RUVBL1: variants seen among roughly 807,000 people sequenced by gnomAD.
The protein encoded by RUVBL1 is RuvB like AAA ATPase 1.
In RUVBL1, 4 loss-of-function variants were observed where a neutral mutation model predicts 52.4. That is an observed-to-expected ratio of 0.08 (90% CI 0.04 to 0.17). The LOEUF (loss-of-function observed/expected upper bound fraction) is 0.17. Among genes scored for constraint, RUVBL1 ranks in the 10% least tolerant of loss-of-function variants. The pLI is 1.00. For missense variants in RUVBL1, 298 were observed against 572.8 expected (o/e 0.52, Z 4.90); for synonymous variants, 217 against 214.4 (o/e 1.01, Z -0.10).
At chr3:128,135,409 T>G (rs572677335) in intron 1 of RUVBL1, among the ~76,000 whole-genome samples, 6 of 152,306 alleles carry the variant, frequency 3.9e-5, no homozygotes, top group African/African-American at 1.4e-4. Flanking sequence ...GGCATGCACC[T>G]GTAGTCCCAG....
chr3:128,125,318 C>G (rs1449936721), upstream of RUVBL1, among the ~76,000 whole-genome samples: 1 of 152,074 alleles, frequency 6.6e-6, no homozygotes, highest in Admixed American at 6.6e-5. Context: ...CCCGGCCTCT[C>G]ACACCTCCTT....
intron 1 of RUVBL1, among the ~76,000 whole-genome samples, chr3:128,136,387 T>A (rs1164091824): frequency 6.6e-6 from 1 of 152,020 alleles, no homozygotes; most frequent in African/African-American, 2.4e-5. Flanking sequence ...ATCCCAGCAC[T>A]TTAGGAAGCC....
rs146473883 is a variant in RUVBL1 at position 128,082,763 on chromosome 3, G to A, written c.1120-189C>T. 346 of 543,596 alleles carry A rather than the reference G, an allele frequency of 6.4e-4. 2 individuals are homozygous for A. The highest frequency in any genetic ancestry group is 5.6e-3 in the African/African-American group (292 of 52,436). The allele number at this position is 543,596 out of a possible 1,614,324, so 33.7% of individuals were successfully genotyped here. A position where few individuals can be genotyped will look rare whatever the true frequency, so the allele number is the denominator to read the frequency against. ...CCGGCACCCTCCAGGAGGCATGTGC[G>A]GCCCTGCAGTATGCATGAATAGCAT... On this transcript the variant is annotated intron_variant, in intron 9 of 10. Coordinates refer to ENST00000322623, the MANE Select transcript of RUVBL1 (RefSeq NM_003707.3). This position sits in a 1 kb window ranked among gnomAD's most constrained non-coding sequence, Gnocchi z 4.7.
chr3:128,151,034 C>CTATATTCTA (rs1348477765), intron 1 of RUVBL1, among the ~76,000 whole-genome samples: 1 of 84,064 alleles, frequency 1.2e-5, no homozygotes, highest in Non-Finnish European at 2.1e-5. Flanking sequence ...AATATATATT[C>CTATATTCTA]TATATTCTAT....
At chr3:128,120,488 A>G (rs1943619375) in intron 1 of RUVBL1, among the ~76,000 whole-genome samples, 1 of 152,204 alleles carries the variant, frequency 6.6e-6, no homozygotes, top group Non-Finnish European at 1.5e-5. Flanking sequence ...GGAACTTCAT[A>G]TATTTTAGAA....
upstream of RUVBL1, among the ~76,000 whole-genome samples, chr3:128,127,007 G>T (rs1257562311): frequency 1.3e-5 from 2 of 152,226 alleles, no homozygotes; most frequent in Non-Finnish European, 2.9e-5. Flanking sequence ...GCTCAGAAAT[G>T]TGAGCAGCTA....
intron 9 of RUVBL1, among the ~76,000 whole-genome samples, chr3:128,087,219 C>A (rs1559808655): frequency 6.6e-6 from 1 of 152,214 alleles, no homozygotes; most frequent in African/African-American, 2.4e-5. Context: ...GTCAGGGTGG[C>A]TACATTCTGT....
chr3:128,098,539 TG>T (rs1943036336), intron 7 of RUVBL1, among the ~76,000 whole-genome samples: 1 of 152,152 alleles, frequency 6.6e-6, no homozygotes, highest in African/African-American at 2.4e-5. Context: ...TATGTGGAGC[TG>T]GTCTGTGGAG....
chr3:128,125,779 T>C (rs899309186), upstream of RUVBL1, among the ~76,000 whole-genome samples: 5 of 152,190 alleles, frequency 3.3e-5, no homozygotes, highest in East Asian at 7.7e-4. Context: ...CCCCACAAAG[T>C]TGCTTAGCCC....
At position 128,082,187 on chromosome 3, in the gene RUVBL1, T is replaced by C; in HGVS notation, c.1211+296A>G. 1 of 359,298 alleles carries C rather than the reference T, an allele frequency of 2.8e-6. No individual in the cohort carries two copies. The highest frequency in any genetic ancestry group is 2.1e-5 in the African/African-American group (1 of 46,684). 22.3% of individuals were successfully genotyped at this position (359,298 alleles called of 1,614,324 possible). On this transcript the variant is annotated intron_variant, in intron 10 of 10. Coordinates refer to ENST00000322623, the MANE Select transcript of RUVBL1 (RefSeq NM_003707.3). This position sits in a 1 kb window ranked among gnomAD's most constrained non-coding sequence, Gnocchi z 4.7. ...ATGAGCTACCACATGGTCCCTGCTCTCTAGTTCTGTGCATCTTCTCTGCCA... is the reference window on the plus strand; with the variant it reads ...ATGAGCTACCACATGGTCCCTGCTCCCTAGTTCTGTGCATCTTCTCTGCCA...
chr3:128,126,561 G>A (rs927135005), upstream of RUVBL1, among the ~76,000 whole-genome samples: 3 of 151,812 alleles, frequency 2.0e-5, no homozygotes, highest in Non-Finnish European at 4.4e-5. Flanking sequence ...AAAAAAAAAG[G>A]TCATTGATCT....
At chr3:128,130,182 A>G (rs1056342902) in intron 1 of RUVBL1, among the ~76,000 whole-genome samples, 2 of 152,220 alleles carry the variant, frequency 1.3e-5, no homozygotes, top group African/African-American at 4.8e-5. Flanking sequence ...GAGAAGACTA[A>G]TGATAAAATC....
intron 1 of RUVBL1, among the ~76,000 whole-genome samples, chr3:128,130,428 C>A (rs1943854723): frequency 6.6e-6 from 1 of 151,674 alleles, no homozygotes; most frequent in Non-Finnish European, 1.5e-5. Context: ...AAGCCTAGAG[C>A]CGAATGGCTT....
At chr3:128,101,680 T>C (rs1943111304) in intron 4 of RUVBL1, 32 bp from the exon 5 acceptor site, 4 of 1,596,740 alleles carry the variant, frequency 2.5e-6, no homozygotes, top group African/African-American at 2.7e-5. Flanking sequence ...AGAAGTGTAA[T>C]ACATATTCCA....
Position 128,067,425 on chromosome 3 carries a change from C to T in RUVBL1, c.940-2205G>A, listed in dbSNP as rs1942014236. 7 of 1,610,574 alleles carry T rather than the reference C, an allele frequency of 4.3e-6. No individual in the cohort carries two copies. The highest frequency in any genetic ancestry group is 5.9e-6 in the Non-Finnish European group (7 of 1,178,820). ...GTTTGGTTTCTTCTTCCCCAGGACA[C>T]GTCTTCTGGGGGCCCAGCACGTGCT... On this transcript the variant is annotated intron_variant, in intron 9 of 9. Transcript: ENST00000464873. The surrounding 1 kb of genome is among the most constrained non-coding windows in gnomAD (Gnocchi z 4.1).
intron 3 of RUVBL1, among the ~76,000 whole-genome samples, chr3:128,106,694 T>C (rs189168331): frequency 2.4e-3 from 367 of 152,330 alleles, no homozygotes; most frequent in Non-Finnish European, 2.4e-3. Flanking sequence ...CATCATCTAC[T>C]AATAATACCC....
intron 9 of RUVBL1, among the ~76,000 whole-genome samples, chr3:128,069,114 A>G (rs1428424169): frequency 6.6e-6 from 1 of 152,270 alleles, no homozygotes; most frequent in Non-Finnish European, 1.5e-5. Flanking sequence ...AAAAAGAAAC[A>G]GGTGAAATTA....
chr3:128,137,279 T>C (rs1452518443), intron 1 of RUVBL1, among the ~76,000 whole-genome samples: 1 of 151,942 alleles, frequency 6.6e-6, no homozygotes, highest in Non-Finnish European at 1.5e-5. Flanking sequence ...TTTGAAAAGA[T>C]AATATCAACA....
chr3:128,078,230 C>T (rs566072220), downstream of RUVBL1, among the ~76,000 whole-genome samples: 2 of 152,330 alleles, frequency 1.3e-5, no homozygotes, highest in South Asian at 4.1e-4. Flanking sequence ...ACACAAATGG[C>T]TAAGGTTTGC....
Sources: allele counts gnomAD v4.1 joint callset (sites outside exome capture counted in the v4.1 genomes callset), GRCh38; gene constraint gnomAD v4.1.1; non-coding constraint Gnocchi (gnomAD v3.1); transcripts MANE v1.5; gene names NCBI Gene and HGNC (gene_info 2026-07-23, HGNC 2026-07-21).